Variants in NCKAP5 observed in about 807,000 individuals in gnomAD.
The protein encoded by NCKAP5 is NCK associated protein 5.
In NCKAP5, 92 loss-of-function variants were observed where a neutral mutation model predicts 167.0. The ratio of observed to expected loss-of-function variants is 0.55; its 90% CI spans 0.47 to 0.66. The LOEUF (loss-of-function observed/expected upper bound fraction) is 0.66. Ranked by LOEUF, NCKAP5 falls within the 30% of genes least tolerant of loss-of-function variation. The pLI is 0.00. For missense variants in NCKAP5, 2,378 were observed against 2,315.0 expected, an observed-to-expected ratio of 1.03 and a Z score of -0.56; for synonymous variants, 891 against 877.4, an observed-to-expected ratio of 1.02 and a Z score of -0.27.
intron 3 of NCKAP5, among the ~76,000 whole-genome samples, chr2:133,475,233 A>G (rs1344506457): frequency 6.6e-6 from 1 of 152,194 alleles, no homozygotes; most frequent in African/African-American, 2.4e-5. Context: ...CCCAAGGCCC[A>G]TAAGTTTGCA....
intron 8 of NCKAP5, among the ~76,000 whole-genome samples, chr2:132,906,758 C>T (rs890022553): frequency 6.6e-6 from 1 of 152,116 alleles, no homozygotes; most frequent in African/African-American, 2.4e-5. Context: ...GAGTCAAACT[C>T]TTTATTACAG....
At position 133,440,526 on chromosome 2, in the gene NCKAP5, C is replaced by T. The variant is rs561418066; in HGVS notation, c.69+76932G>A. On this transcript the variant is annotated intron_variant, in intron 3 of 19. Transcript: ENST00000409261. ...GAGATCGAGACCATCCTGGCTAACA[C>T]GGTGAAACTCCATCTTTACTAAAAA... is the stretch of plus-strand genomic sequence containing the variant. Among the ~76,000 whole-genome samples the T allele has an allele frequency of 2.0e-3, 298 of 151,720 alleles. 1 individual carries two copies. The highest frequency in any genetic ancestry group is 6.8e-3 in the Middle Eastern group (2 of 292).
At chr2:133,503,621 A>T (rs1349740389) in intron 3 of NCKAP5, among the ~76,000 whole-genome samples, 2 of 152,170 alleles carry the variant, frequency 1.3e-5, no homozygotes, top group Non-Finnish European at 2.9e-5. Context: ...TTGGACACCA[A>T]ATATGCTTTC....
intron 4 of NCKAP5, among the ~76,000 whole-genome samples, chr2:133,234,000 G>T (rs1251673809): frequency 6.6e-6 from 1 of 152,216 alleles, no homozygotes; most frequent in Non-Finnish European, 1.5e-5. Flanking sequence ...ACTATCGAAA[G>T]AAGGGCCAGA....
At chr2:133,662,631 T>C in the NCKAP5 span, among the ~76,000 whole-genome samples, 3 of 142,206 alleles carry the variant, frequency 2.1e-5, no homozygotes, top group African/African-American at 7.7e-5. Context: ...GTTTTGAAAG[T>C]AATTCAGTGA....
At chr2:132,758,542 A>C (rs1188309075) in intron 16 of NCKAP5, among the ~76,000 whole-genome samples, 1 of 152,180 alleles carries the variant, frequency 6.6e-6, no homozygotes, top group Non-Finnish European at 1.5e-5. Context: ...CAGAGGAAAA[A>C]AGATGAGAAT....
At chr2:132,814,038 T>C (rs1686084726) in intron 11 of NCKAP5, among the ~76,000 whole-genome samples, 1 of 152,216 alleles carries the variant, frequency 6.6e-6, no homozygotes, top group Non-Finnish European at 1.5e-5. Context: ...CTAGGACAAG[T>C]TGCTGGAGTC....
intron 11 of NCKAP5, among the ~76,000 whole-genome samples, chr2:132,800,831 A>G (rs1296482774): frequency 1.3e-5 from 2 of 152,228 alleles, no homozygotes; most frequent in South Asian, 2.1e-4. Context: ...TGTAGGTTCT[A>G]TCTTCCTAAC....
chr2:133,497,032 T>C (rs1682012550), intron 3 of NCKAP5, among the ~76,000 whole-genome samples: 1 of 152,188 alleles, frequency 6.6e-6, no homozygotes, highest in East Asian at 1.9e-4. Flanking sequence ...AACCACAGCC[T>C]CCTGAATTAA....
intron 4 of NCKAP5, among the ~76,000 whole-genome samples, chr2:133,285,999 C>CTT (rs555131855): frequency 3.3e-4 from 47 of 144,128 alleles, no homozygotes; most frequent in South Asian, 8.8e-4. Flanking sequence ...TCTGTGACTT[C>CTT]TTTTTTTTTT....
At chr2:133,522,725 A>C (rs1331334527) in intron 2 of NCKAP5, among the ~76,000 whole-genome samples, 2 of 152,216 alleles carry the variant, frequency 1.3e-5, no homozygotes, top group Non-Finnish European at 2.9e-5. Flanking sequence ...GTTGCTTTTT[A>C]GCCAAGCATA....
intron 3 of NCKAP5, 22 bp from the exon 4 acceptor site, chr2:133,303,132 G>GATGAAAACTCAAT: frequency 6.5e-7 from 1 of 1,547,570 alleles, no homozygotes; most frequent in Non-Finnish European, 8.8e-7. Flanking sequence ...GACAAAGACA[G>GATGAAAACTCAAT]ATGAAAACTC....
chr2:132,809,092 G>A (rs542922441), intron 11 of NCKAP5, among the ~76,000 whole-genome samples: 1 of 152,120 alleles, frequency 6.6e-6, no homozygotes, highest in Non-Finnish European at 1.5e-5. Context: ...GTTCCTTTTG[G>A]AGTTGATTTC....
intron 8 of NCKAP5, among the ~76,000 whole-genome samples, chr2:132,962,605 G>A (rs916433891): frequency 1.3e-5 from 2 of 152,026 alleles, no homozygotes; most frequent in African/African-American, 4.8e-5. Flanking sequence ...TTGTTTGTTT[G>A]TTTGTTTGTT....
chr2:132,961,162 A>G (rs1053586731), intron 8 of NCKAP5, among the ~76,000 whole-genome samples: 3 of 152,100 alleles, frequency 2.0e-5, no homozygotes, highest in African/African-American at 7.2e-5. Flanking sequence ...CAGTCTGTCA[A>G]AATCAGTTCT....
At chr2:132,834,922 C>T (rs1203794452) in intron 11 of NCKAP5, among the ~76,000 whole-genome samples, 2 of 152,090 alleles carry the variant, frequency 1.3e-5, no homozygotes, top group African/African-American at 2.4e-5. Flanking sequence ...TTAACTTTCC[C>T]CTGTTCAGTA....
intron 4 of NCKAP5, among the ~76,000 whole-genome samples, chr2:133,220,558 T>C (rs1045026486): frequency 1.3e-5 from 2 of 152,174 alleles, no homozygotes; most frequent in African/African-American, 4.8e-5. Context: ...TATATATTCT[T>C]ATATATTCTT....
At chr2:133,070,086 T>G in intron 6 of NCKAP5, among the ~76,000 whole-genome samples, 1 of 152,146 alleles carries the variant, frequency 6.6e-6, no homozygotes, top group East Asian at 1.9e-4. Context: ...CTTGGCAAAC[T>G]CTGGAACTGA....
At chr2:133,224,468 T>A (rs986395934) in intron 4 of NCKAP5, among the ~76,000 whole-genome samples, 1 of 152,240 alleles carries the variant, frequency 6.6e-6, no homozygotes, top group Non-Finnish European at 1.5e-5. Flanking sequence ...AAGCTACCTG[T>A]ACTCCCTACT....
Sources: gnomAD v4.1 joint callset for allele counts (sites outside exome capture counted in the v4.1 genomes callset) on GRCh38, gnomAD v4.1.1 for gene constraint, MANE v1.5 for transcripts, NCBI Gene and HGNC (gene_info 2026-07-23, HGNC 2026-07-21) for gene names.